Variants in MPPED2 observed in about 807,000 individuals in gnomAD.
MPPED2 encodes the protein metallophosphoesterase domain containing 2.
In MPPED2, 5 loss-of-function variants were observed where a neutral mutation model predicts 33.0. The ratio of observed to expected loss-of-function variants is 0.15; its 90% CI spans 0.08 to 0.32. The LOEUF is 0.32. MPPED2 is among the 10% of genes least tolerant of loss of function. The pLI, the probability that MPPED2 is intolerant of heterozygous loss-of-function variation, is 1.00. For synonymous variants in MPPED2, 136 were observed against 141.9 expected, an observed-to-expected ratio of 0.96 and a Z score of 0.29; for missense variants, 275 against 372.1, an observed-to-expected ratio of 0.74 and a Z score of 2.15.
intron 4 of MPPED2, among the ~76,000 whole-genome samples, chr11:30,470,041 T>C (rs1950881797): frequency 6.6e-6 from 1 of 152,242 alleles, no homozygotes; most frequent in African/African-American, 2.4e-5. Flanking sequence ...GTACAAGTGC[T>C]TGGTGACTGA....
chr11:30,402,972 G>A (rs1005078347), intron 6 of MPPED2, among the ~76,000 whole-genome samples: 4 of 152,158 alleles, frequency 2.6e-5, no homozygotes, highest in Admixed American at 6.5e-5. Flanking sequence ...TAGGCCGGGC[G>A]CAGTGGCTCA....
intron 3 of MPPED2, among the ~76,000 whole-genome samples, chr11:30,526,943 C>CGCCCAGGCTACAGTGCAGTG (rs1954223499): frequency 2.0e-5 from 3 of 151,420 alleles, no homozygotes; most frequent in Non-Finnish European, 4.4e-5. Context: ...CTCCCTCTGT[C>CGCCCAGGCTACAGTGCAGTG]GCCCAGGCTA....
chr11:30,458,076 G>A (rs1293213258), intron 4 of MPPED2, among the ~76,000 whole-genome samples: 3 of 152,114 alleles, frequency 2.0e-5, no homozygotes, highest in African/African-American at 7.2e-5. Context: ...CTCTCATGTG[G>A]GCTCTTTCAA....
chr11:30,456,545 TGTGTGC>T (rs934468604), intron 4 of MPPED2, among the ~76,000 whole-genome samples: 35 of 152,232 alleles, frequency 2.3e-4, no homozygotes, highest in African/African-American at 8.2e-4. Flanking sequence ...CAATCCTGTG[TGTGTGC>T]GTGTGTGTGT....
At chr11:30,501,758 A>G (rs1449741425) in intron 3 of MPPED2, 4 of 193,936 alleles carry the variant, frequency 2.1e-5, no homozygotes, top group South Asian at 1.8e-4. Context: ...AGCTATGCAC[A>G]TGTCTGATGA....
chr11:30,457,970 C>T (rs1294174996), intron 4 of MPPED2, among the ~76,000 whole-genome samples: 1 of 152,140 alleles, frequency 6.6e-6, no homozygotes, highest in African/African-American at 2.4e-5. Context: ...AAATACTTAT[C>T]GGGCAGGGCT....
intron 4 of MPPED2, among the ~76,000 whole-genome samples, chr11:30,468,393 G>T (rs1950810719): frequency 6.6e-6 from 1 of 152,100 alleles, no homozygotes; most frequent in Admixed American, 6.5e-5. Flanking sequence ...TGTATGCATT[G>T]CTGTAAGAAC....
intron 2 of MPPED2, among the ~76,000 whole-genome samples, chr11:30,546,628 A>G (rs1369592841): frequency 1.3e-5 from 2 of 152,136 alleles, no homozygotes; most frequent in African/African-American, 4.8e-5. Context: ...GTGTGTGGCC[A>G]TTTTAGTTGG....
At chr11:30,501,679 C>G in intron 3 of MPPED2, 1 of 917,934 alleles carries the variant, frequency 1.1e-6, no homozygotes, top group Non-Finnish European at 1.3e-6. Flanking sequence ...AGAATTTCTT[C>G]TTAGAATCAG....
At chr11:30,405,956 T>A (rs1162164700), downstream of MPPED2, among the ~76,000 whole-genome samples, 2 of 152,104 alleles carry the variant, frequency 1.3e-5, no homozygotes, top group Non-Finnish European at 2.9e-5. Flanking sequence ...CATGTCTGAT[T>A]CCAAAGTTGG....
At position 30,411,711 on chromosome 11, in the gene MPPED2, C is replaced by T. The variant is rs1590170126; in HGVS notation, c.767-125G>A. The T allele has an allele frequency of 3.1e-5, 18 of 573,288 alleles. No individual in the cohort carries two copies. The East Asian group carries it at 5.4e-4, about 17-fold the overall frequency. 35.5% of individuals were successfully genotyped at this position (573,288 alleles called of 1,614,324 possible). A position where few individuals can be genotyped will look rare whatever the true frequency, so the allele number is the denominator to read the frequency against. On this transcript the variant is annotated intron_variant, in intron 6 of 6. Transcript: ENST00000358117. ...GCAGTGAGATGAAATTCAGTTGAGC[C>T]TCCTCAGATATAATGACTTTCAGAA...
At chr11:30,570,472 T>C (rs2134809014) in intron 2 of MPPED2, among the ~76,000 whole-genome samples, 1 of 152,224 alleles carries the variant, frequency 6.6e-6, no homozygotes, top group South Asian at 2.1e-4. Context: ...ACATAGAATG[T>C]ATTAAATAAA....
At chr11:30,450,777 T>C (rs1042491526) in intron 4 of MPPED2, among the ~76,000 whole-genome samples, 1 of 152,226 alleles carries the variant, frequency 6.6e-6, no homozygotes, top group Non-Finnish European at 1.5e-5. Context: ...CCACATTAAA[T>C]GACACATTTT....
intron 3 of MPPED2, among the ~76,000 whole-genome samples, chr11:30,508,042 A>T: frequency 6.6e-6 from 1 of 152,126 alleles, no homozygotes; most frequent in East Asian, 1.9e-4. Context: ...TTATCAAGAG[A>T]TAAATTTACA....
intron 2 of MPPED2, among the ~76,000 whole-genome samples, chr11:30,566,748 C>T (rs773966437): frequency 2.6e-5 from 4 of 152,170 alleles, no homozygotes; most frequent in Non-Finnish European, 2.9e-5. Flanking sequence ...ATAAATAAAA[C>T]GAAAAAGATA....
intron 6 of MPPED2, among the ~76,000 whole-genome samples, chr11:30,413,892 A>G (rs1002715685): frequency 2.0e-5 from 3 of 152,142 alleles, no homozygotes; most frequent in Non-Finnish European, 4.4e-5. Flanking sequence ...TCTTAAGGAG[A>G]AAATGACTCC....
Position 30,546,388 on chromosome 11 carries a change from A to G in MPPED2, c.129-10213T>C, listed in dbSNP as rs572420851. On this transcript the variant is annotated intron_variant, in intron 2 of 6. Transcript: ENST00000358117. ...GGAGAGAGTTGGGAGTGGGGTTTAC[A>G]AAGAGCATTAACTGACCCTAACTGA... Among the ~76,000 whole-genome samples, 9 of 152,258 alleles carry G rather than the reference A, an allele frequency of 5.9e-5. No individual in the cohort carries two copies. In the East Asian group the frequency reaches 1.4e-3, roughly 23 times the overall value.
rs1313893308 is a variant in MPPED2, at chr11:30,494,662, C to T, written c.536+634G>A. ...CTGAGGCAGGAGAATTGCTCGAACC[C>T]AGGAGGCGGAGGTTGCAGTGAGCTG... On this transcript the variant is annotated intron_variant, in intron 4 of 6. Transcript: ENST00000358117. Among the ~76,000 whole-genome samples the T allele has an allele frequency of 2.0e-4, 27 of 132,890 alleles. No individual in the cohort carries two copies. The Admixed American group carries it at 2.4e-3, about 12-fold the overall frequency. The allele number at this position is 132,890 out of a possible 152,430, so 87.2% of individuals were successfully genotyped here. A position where few individuals can be genotyped will look rare whatever the true frequency, so the allele number is the denominator to read the frequency against.
intron 4 of MPPED2, among the ~76,000 whole-genome samples, chr11:30,463,498 G>T (rs1196495300): frequency 6.6e-6 from 1 of 152,196 alleles, no homozygotes; most frequent in Admixed American, 6.5e-5. Context: ...GCAGGCATGA[G>T]CATAGGAGCC....
Sources: allele counts gnomAD v4.1 joint callset (sites outside exome capture counted in the v4.1 genomes callset), GRCh38; gene constraint gnomAD v4.1.1; transcripts MANE v1.5; gene names NCBI Gene and HGNC (gene_info 2026-07-23, HGNC 2026-07-21).